The following P4HA1 variants were observed in gnomAD, a reference collection of about 807,000 sequenced individuals.
P4HA1 encodes the protein prolyl 4-hydroxylase subunit alpha-1.
P4HA1 carries 24 observed loss-of-function variants against 72.8 expected under a neutral mutation model. The ratio of observed to expected loss-of-function variants is 0.33; its 90% CI spans 0.24 to 0.46. P4HA1 has a LOEUF of 0.46. Among genes scored for constraint, P4HA1 ranks in the 20% least tolerant of loss-of-function variants. The pLI, the probability that P4HA1 is intolerant of heterozygous loss-of-function variation, is 1.00. For missense variants in P4HA1, 446 were observed against 640.6 expected, an observed-to-expected ratio of 0.70 and a Z score of 3.28; for synonymous variants, 201 against 218.8, an observed-to-expected ratio of 0.92 and a Z score of 0.72.
chr10:73,034,143 G>A (rs1377873159), intron 9 of P4HA1, among the ~76,000 whole-genome samples: 1 of 152,100 alleles, frequency 6.6e-6, no homozygotes, highest in Non-Finnish European at 1.5e-5. Context: ...AAGCCCAGGA[G>A]TTCAAGGATG....
chr10:73,050,653 T>C (rs2133096007), intron 7 of P4HA1, among the ~76,000 whole-genome samples: 1 of 149,876 alleles, frequency 6.7e-6, no homozygotes, highest in South Asian at 2.1e-4. Flanking sequence ...TGAGCCGAGA[T>C]CATGCCACTG....
chr10:73,073,613 T>C (rs1841619091), intron 3 of P4HA1, 118 bp downstream of exon 3: 2 of 647,510 alleles, frequency 3.1e-6, no homozygotes, highest in Admixed American at 5.0e-5. Flanking sequence ...TTTTAGCCAT[T>C]GCAACTGGCT....
At chr10:73,035,913 G>A (rs1158172682) in intron 9 of P4HA1, among the ~76,000 whole-genome samples, 1 of 152,054 alleles carries the variant, frequency 6.6e-6, no homozygotes, top group Non-Finnish European at 1.5e-5. Flanking sequence ...TCTCGGCCAG[G>A]CGCAGTGGCT....
At chr10:73,086,584 G>A (rs1196886446) in intron 1 of P4HA1, among the ~76,000 whole-genome samples, 1 of 152,110 alleles carries the variant, frequency 6.6e-6, no homozygotes, top group Non-Finnish European at 1.5e-5. Flanking sequence ...ATACTTTAAA[G>A]GGAAAATTGC....
chr10:73,067,095 T>TGGGCAGTTCAAGGAGGA (rs1286845672), intron 5 of P4HA1, among the ~76,000 whole-genome samples: 23 of 152,066 alleles, frequency 1.5e-4, no homozygotes, highest in Admixed American at 5.9e-4. Context: ...CTTGAACTCC[T>TGGGCAGTTCAAGGAGGA]ACCCTCAAGG....
At position 73,045,038 on chromosome 10, in the gene P4HA1, G is replaced by C; in HGVS notation, c.1091C>G (p.Thr364Ser). 1 of 1,613,502 alleles carries C rather than the reference G, an allele frequency of 6.2e-7. No homozygotes were observed. The highest frequency in any genetic ancestry group is 1.1e-5 in the South Asian group (1 of 91,020). The change falls in exon 9 of 15, where the codon ACC becomes AGC. Residue 364 changes from threonine to serine, a missense_variant. Transcript: ENST00000394890. ...DLAKPRLRRA[T>S]ISNPITGDLE... ...GTCTCCTGTTATTGGGTTTGAAATGGTGGCTCGCCTCAGCTGTGAAGCCAA... is the reference window on the plus strand; with the variant it reads ...GTCTCCTGTTATTGGGTTTGAAATGCTGGCTCGCCTCAGCTGTGAAGCCAA...
chr10:73,026,023 A>G (rs1485240207), intron 10 of P4HA1, among the ~76,000 whole-genome samples: 1 of 152,194 alleles, frequency 6.6e-6, no homozygotes, highest in Non-Finnish European at 1.5e-5. Context: ...GAAAATGGCC[A>G]TACTGCCCAA....
chr10:73,046,791 TCC>T, intron 8 of P4HA1, 132 bp downstream of exon 8: 1 of 650,236 alleles, frequency 1.5e-6, no homozygotes, highest in Non-Finnish European at 2.6e-6. Context: ...CATTAGTAAC[TCC>T]ATTATGCTGA....
At chr10:73,069,162 T>TG (rs1470900957) in intron 4 of P4HA1, among the ~76,000 whole-genome samples, 179 bp from the exon 5 acceptor site, 28 of 152,236 alleles carry the variant, frequency 1.8e-4, no homozygotes, top group African/African-American at 6.5e-4. Context: ...ACTTCTAACT[T>TG]GTTCAATCTT....
intron 10 of P4HA1, among the ~76,000 whole-genome samples, chr10:73,018,074 C>G (rs1011881558): frequency 1.3e-5 from 2 of 152,186 alleles, no homozygotes; most frequent in Non-Finnish European, 1.5e-5. Context: ...CCAAGCAGAG[C>G]TGCCAGCAGC....
Position 73,007,420 on chromosome 10 carries a change from C to A in P4HA1, c.*802G>T, listed in dbSNP as rs935600919. 1.3e-5 allele frequency: 2 copies of A among 152,490 alleles called. No homozygotes were observed. The highest frequency in any genetic ancestry group is 2.9e-5 in the Non-Finnish European group (2 of 68,020). The allele number at this position is 152,490 out of a possible 1,614,324, so 9.4% of individuals were successfully genotyped here. Reference sequence around the variant, plus strand: ...TAATCAGAATGCCAATATTACCACCCTGCTGTAGCAGGAATAAGAGGCAAG... The same window carrying A: ...TAATCAGAATGCCAATATTACCACCATGCTGTAGCAGGAATAAGAGGCAAG... On this transcript the variant is annotated 3_prime_UTR_variant, in exon 15 of 15. Coordinates refer to ENST00000394890, the MANE Select transcript of P4HA1 (RefSeq NM_001017962.3).
At chr10:73,023,666 T>C (rs1039592979) in intron 10 of P4HA1, among the ~76,000 whole-genome samples, 8 of 152,094 alleles carry the variant, frequency 5.3e-5, no homozygotes, top group Non-Finnish European at 1.2e-4. Flanking sequence ...TAAATGTAAA[T>C]GGGCTAAATG....
intron 5 of P4HA1, among the ~76,000 whole-genome samples, chr10:73,066,637 G>A (rs1222665478): frequency 2.0e-5 from 3 of 151,962 alleles, no homozygotes; most frequent in Non-Finnish European, 4.4e-5. Context: ...CCCGTGATAT[G>A]GTTTGGCTCT....
At chr10:73,064,388 T>C (rs899572205) in intron 5 of P4HA1, among the ~76,000 whole-genome samples, 4 of 152,082 alleles carry the variant, frequency 2.6e-5, no homozygotes, top group African/African-American at 9.7e-5. Flanking sequence ...GGTAGGAGGA[T>C]CACCTTAGCT....
At chr10:73,070,452 A>G (rs1589618466) in intron 4 of P4HA1, among the ~76,000 whole-genome samples, 1 of 152,046 alleles carries the variant, frequency 6.6e-6, no homozygotes, top group Non-Finnish European at 1.5e-5. Flanking sequence ...ATGAAAATGT[A>G]CAAATGAACA....
intron 10 of P4HA1, among the ~76,000 whole-genome samples, chr10:73,024,935 A>T (rs894780590): frequency 6.6e-6 from 1 of 152,244 alleles, no homozygotes; most frequent in Admixed American, 6.5e-5. Flanking sequence ...AGACCAAACC[A>T]GGAAGAAGTT....
intron 10 of P4HA1, among the ~76,000 whole-genome samples, chr10:73,023,721 G>A (rs1335583188): frequency 6.7e-5 from 10 of 149,054 alleles, no homozygotes; most frequent in Non-Finnish European, 8.9e-5. Flanking sequence ...AAAGAGTCAA[G>A]ACCCATCAGG....
At position 73,008,120 on chromosome 10, in the gene P4HA1, T is replaced by TG; in HGVS notation, c.*101dup. The TG allele has an allele frequency of 1.5e-6, 1 of 684,372 alleles. No individual in the cohort carries two copies. The highest frequency in any genetic ancestry group is 2.6e-6 in the Non-Finnish European group (1 of 377,988). 42.4% of individuals were successfully genotyped at this position (684,372 alleles called of 1,614,324 possible). On this transcript the variant is annotated 3_prime_UTR_variant, in exon 15 of 15. Transcript: ENST00000394890. ...ATGAGGTTCATGACTGAATCAATCA[T>TG]GGAGTGTTAGTCAATTGTAAACTCC...
At chr10:73,066,996 T>C (rs554970581) in intron 5 of P4HA1, among the ~76,000 whole-genome samples, 13 of 152,252 alleles carry the variant, frequency 8.5e-5, no homozygotes, top group African/African-American at 2.4e-4. Flanking sequence ...GCCTCCCAAA[T>C]AGCTAGGACT....
Sources: gnomAD v4.1 joint callset for allele counts (sites outside exome capture counted in the v4.1 genomes callset) on GRCh38, gnomAD v4.1.1 for gene constraint, MANE v1.5 for transcripts, NCBI Gene and HGNC (gene_info 2026-07-23, HGNC 2026-07-21) for gene names.